The following CADM1 variants were observed in gnomAD, a reference collection of about 807,000 sequenced individuals.
CADM1 encodes the protein cell adhesion molecule 1.
A neutral mutation model predicts 53.1 loss-of-function variants in CADM1; 15 were observed. That is an observed-to-expected ratio of 0.28 (90% CI 0.19 to 0.44). The LOEUF (loss-of-function observed/expected upper bound fraction) is 0.44, where lower values mean the gene tolerates loss of function less well. CADM1 is among the 20% of genes least tolerant of loss of function. The probability of loss-of-function intolerance (pLI) is 1.00; values close to 1 mark genes in which losing one functional copy is unlikely to be tolerated. For synonymous variants in CADM1, 281 were observed against 243.0 expected (o/e 1.16, Z -1.45); for missense variants, 434 against 611.3 (o/e 0.71, Z 3.06).
In CADM1 at chr11:115,409,737, GA is replaced by G. The variant is rs34048832; in HGVS notation, c.124+94533del. 6.9e-3 allele frequency among the ~76,000 whole-genome samples: 943 copies of G among 135,962 alleles called. 5 individuals carry two copies. The highest frequency in any genetic ancestry group is 0.02 in the African/African-American group (728 of 37,158). 89.2% of individuals were successfully genotyped at this position (135,962 alleles called of 152,430 possible). ...CAGCAAATGCTTCCATAAGCTTGAA[GA>G]AAAAAAAAAAAAAATTCCACTGCCT... On this transcript the variant is annotated intron_variant, in intron 1 of 11. Transcript: ENST00000331581.
At chr11:115,322,839 G>T (rs377102441) in intron 1 of CADM1, among the ~76,000 whole-genome samples, 16 of 151,938 alleles carry the variant, frequency 1.1e-4, no homozygotes, top group African/African-American at 3.1e-4. Context: ...CCATTTTTTT[G>T]ATTATGAATC....
At chr11:115,442,539 C>T (rs1195119798) in intron 1 of CADM1, among the ~76,000 whole-genome samples, 1 of 152,118 alleles carries the variant, frequency 6.6e-6, no homozygotes, top group African/African-American at 2.4e-5. Context: ...CTAATGTAGC[C>T]TTAAAAGTAG....
chr11:115,418,192 T>C (rs76699246), intron 1 of CADM1, among the ~76,000 whole-genome samples: 1,830 of 152,272 alleles, frequency 0.012, 43 homozygotes, highest in African/African-American at 0.041. Context: ...AAGTCACTTG[T>C]GGCTCAATGG....
intron 1 of CADM1, among the ~76,000 whole-genome samples, chr11:115,461,499 G>C (rs1375384349): frequency 6.6e-6 from 1 of 152,198 alleles, no homozygotes; most frequent in African/African-American, 2.4e-5. Context: ...AAAGCAAAAG[G>C]AAGTCCGGAT....
intron 1 of CADM1, among the ~76,000 whole-genome samples, chr11:115,499,730 T>C (rs1481479400): frequency 6.6e-6 from 1 of 152,232 alleles, no homozygotes; most frequent in Non-Finnish European, 1.5e-5. Context: ...TCGGCTACTT[T>C]ACTTCAAAAT....
intron 1 of CADM1, among the ~76,000 whole-genome samples, chr11:115,290,527 T>C (rs1003158197): frequency 6.6e-6 from 1 of 152,204 alleles, no homozygotes; most frequent in African/African-American, 2.4e-5. Context: ...AATGAAGCCC[T>C]GATGTATTTG....
At chr11:115,314,018 G>A (rs1332287021) in intron 1 of CADM1, among the ~76,000 whole-genome samples, 1 of 152,160 alleles carries the variant, frequency 6.6e-6, no homozygotes, top group Admixed American at 6.5e-5. Context: ...GAGAACTGCT[G>A]ATAGAGATGC....
intron 1 of CADM1, among the ~76,000 whole-genome samples, chr11:115,413,056 C>T (rs1429963993): frequency 3.3e-5 from 5 of 152,116 alleles, no homozygotes; most frequent in African/African-American, 2.4e-5. Context: ...AAATTATTTA[C>T]TTTCAGGTTT....
chr11:115,246,560 G>C (rs1305621405), intron 1 of CADM1, among the ~76,000 whole-genome samples: 1 of 152,128 alleles, frequency 6.6e-6, no homozygotes, highest in East Asian at 1.9e-4. Flanking sequence ...TAGGCCCAGG[G>C]AGCAGATAGG....
At chr11:115,447,138 A>AT (rs1394843340) in intron 1 of CADM1, among the ~76,000 whole-genome samples, 1 of 152,184 alleles carries the variant, frequency 6.6e-6, no homozygotes, top group Non-Finnish European at 1.5e-5. Context: ...TAATGAATAA[A>AT]TAGTGATCTC....
At chr11:115,445,806 C>G (rs943750133) in intron 1 of CADM1, 6 of 451,878 alleles carry the variant, frequency 1.3e-5, no homozygotes, top group Non-Finnish European at 2.7e-5. Flanking sequence ...GATTGTGCCA[C>G]CGCACTCCAG....
chr11:115,328,681 T>TATATATGTGTGTATATATATGTATATAC lies in CADM1; in HGVS notation c.125-88262_125-88261insGTATATACATATATATACACACATATAT, dbSNP rs1565367823. 7.0e-4 allele frequency among the ~76,000 whole-genome samples: 31 copies of TATATATGTGTGTATATATATGTATATAC among 44,268 alleles called. 3 individuals are homozygous for TATATATGTGTGTATATATATGTATATAC. The highest frequency in any genetic ancestry group is 4.1e-3 in the African/African-American group (28 of 6,784). 29.0% of individuals were successfully genotyped at this position (44,268 alleles called of 152,430 possible). A position where few individuals can be genotyped will look rare whatever the true frequency, so the allele number is the denominator to read the frequency against. On this transcript the variant is annotated intron_variant, in intron 1 of 11. Coordinates refer to ENST00000331581, the MANE Select transcript of CADM1 (RefSeq NM_001301043.2). ...CACACGCACACTATATATATATGTG[T>TATATATGTGTGTATATATATGTATATAC]ATATATATGTGTATATATATGTATA...
At chr11:115,463,305 C>T (rs1377031090) in intron 1 of CADM1, among the ~76,000 whole-genome samples, 1 of 152,148 alleles carries the variant, frequency 6.6e-6, no homozygotes, top group Non-Finnish European at 1.5e-5. Context: ...TTACTAATGT[C>T]TTTCCTCCAG....
At chr11:115,363,355 T>G (rs1946079381) in intron 1 of CADM1, among the ~76,000 whole-genome samples, 1 of 152,196 alleles carries the variant, frequency 6.6e-6, no homozygotes, top group South Asian at 2.1e-4. Flanking sequence ...ATTCAACTTG[T>G]GGACCAAGGT....
At chr11:115,308,774 CCCTCCCTCCCTTCATCCTT>C (rs1167431258) in intron 1 of CADM1, among the ~76,000 whole-genome samples, 12 of 148,348 alleles carry the variant, frequency 8.1e-5, no homozygotes, top group African/African-American at 3.0e-4. Flanking sequence ...TTCCCTCCTT[CCCTCCCTCCCTTCATCCTT>C]CCTCCCTCCC....
chr11:115,337,269 T>C (rs765883397), intron 1 of CADM1, among the ~76,000 whole-genome samples: 4 of 152,186 alleles, frequency 2.6e-5, no homozygotes, highest in Non-Finnish European at 5.9e-5. Context: ...TTATCAGTGC[T>C]TAATACATGT....
intron 1 of CADM1, among the ~76,000 whole-genome samples, chr11:115,395,078 C>CA (rs1238410699): frequency 6.6e-6 from 1 of 152,108 alleles, no homozygotes; most frequent in Non-Finnish European, 1.5e-5. Context: ...TTCAGCTATT[C>CA]ATATATAGAA....
intron 1 of CADM1, among the ~76,000 whole-genome samples, chr11:115,409,165 G>C (rs964742024): frequency 2.0e-4 from 31 of 152,080 alleles, no homozygotes; most frequent in African/African-American, 7.2e-4. Context: ...GAAGAAAGAG[G>C]CTTAAATGGA....
chr11:115,186,085 C>A (rs141707976), intron 10 of CADM1, among the ~76,000 whole-genome samples: 1 of 152,214 alleles, frequency 6.6e-6, no homozygotes, highest in Non-Finnish European at 1.5e-5. Context: ...CAGCAGGATG[C>A]AGTTCAAACA....
Sources: allele counts gnomAD v4.1 joint callset (sites outside exome capture counted in the v4.1 genomes callset), GRCh38; gene constraint gnomAD v4.1.1; transcripts MANE v1.5; gene names NCBI Gene and HGNC (gene_info 2026-07-23, HGNC 2026-07-21).